TENM1: variants seen among roughly 807,000 people sequenced by gnomAD.
TENM1 encodes the protein teneurin transmembrane protein 1, also known as teneurin-1.
In TENM1, 35 loss-of-function variants were observed where a neutral mutation model predicts 174.8. That is an observed-to-expected ratio of 0.20 (90% CI 0.15 to 0.27). The LOEUF (loss-of-function observed/expected upper bound fraction) is 0.27. Ranked by LOEUF, TENM1 falls within the 10% of genes least tolerant of loss-of-function variation. The pLI is 1.00. For synonymous variants in TENM1, 781 were observed against 798.7 expected, an observed-to-expected ratio of 0.98 and a Z score of 0.37; for missense variants, 1,633 against 2,130.1, an observed-to-expected ratio of 0.77 and a Z score of 4.59.
intron 22 of TENM1, among the ~76,000 whole-genome samples, chrX:124,478,216 G>A (rs867585816): frequency 4.5e-5 from 5 of 112,348 alleles, no homozygotes; most frequent in African/African-American, 1.3e-4. Context: ...CTTCGTGTTC[G>A]GGTAAATGAA....
chrX:124,822,296 C>G (rs150543415), intron 3 of TENM1, among the ~76,000 whole-genome samples: 1,413 of 112,398 alleles, frequency 0.013, 13 homozygotes, highest in Admixed American at 0.029. Flanking sequence ...AGACTGTGTG[C>G]AGCAGTGTCT....
At chrX:124,519,769 G>C (rs1250284473) in intron 18 of TENM1, among the ~76,000 whole-genome samples, 1 of 111,651 alleles carries the variant, frequency 9.0e-6, no homozygotes, top group African/African-American at 3.3e-5. Flanking sequence ...TCTTAAAACA[G>C]ACTATTTTTT....
chrX:124,752,566 T>C (rs368318053), intron 3 of TENM1, among the ~76,000 whole-genome samples: 31 of 111,963 alleles, frequency 2.8e-4, no homozygotes, highest in Middle Eastern at 4.6e-3. Context: ...AAGTCCTTGC[T>C]CATGCCTATG....
At chrX:124,628,403 T>C (rs1372870563) in intron 11 of TENM1, among the ~76,000 whole-genome samples, 1 of 111,413 alleles carries the variant, frequency 9.0e-6, no homozygotes, top group Admixed American at 9.6e-5. Context: ...AGTTTTCTAG[T>C]AGCCACATTA....
chrX:124,756,522 G>A (rs1419947210), intron 3 of TENM1, among the ~76,000 whole-genome samples: 8 of 111,722 alleles, frequency 7.2e-5, no homozygotes, highest in African/African-American at 1.3e-4. Context: ...GCTTTGTTCC[G>A]TTGCTGGTGA....
At chrX:124,673,147 G>A (rs1178400406) in intron 5 of TENM1, among the ~76,000 whole-genome samples, 1 of 111,573 alleles carries the variant, frequency 9.0e-6, no homozygotes, top group East Asian at 2.8e-4. Context: ...GCTTTGACAG[G>A]TGACAACGAT....
intron 20 of TENM1, among the ~76,000 whole-genome samples, chrX:124,488,126 G>A (rs1322594351): frequency 8.9e-6 from 1 of 111,901 alleles, no homozygotes; most frequent in African/African-American, 3.2e-5. Flanking sequence ...ACAGGGTATT[G>A]CCTAGGGCAT....
At chrX:124,498,180 G>A (rs2047244041) in intron 19 of TENM1, among the ~76,000 whole-genome samples, 1 of 111,262 alleles carries the variant, frequency 9.0e-6, no homozygotes, top group African/African-American at 3.3e-5. Context: ...CATCACCATG[G>A]CTCTTCTTTC....
intron 16 of TENM1, among the ~76,000 whole-genome samples, chrX:124,525,675 G>C (rs2047959054): frequency 8.9e-6 from 1 of 111,961 alleles, no homozygotes; most frequent in Admixed American, 9.5e-5. Context: ...ATCTTGTTTT[G>C]TAGAAAGAAT....
intron 15 of TENM1, among the ~76,000 whole-genome samples, chrX:124,544,264 A>G (rs1037389976): frequency 8.9e-6 from 1 of 112,481 alleles, no homozygotes; most frequent in East Asian, 2.8e-4. Flanking sequence ...CTAAGTAGCC[A>G]AAATGGCCCA....
intron 14 of TENM1, among the ~76,000 whole-genome samples, chrX:124,559,950 G>A (rs1199971239): frequency 9.0e-6 from 1 of 110,796 alleles, no homozygotes; most frequent in African/African-American, 3.3e-5. Flanking sequence ...TATGGTTTAA[G>A]TTGAGACTTA....
chrX:125,191,141 T>A, the TENM1 span, among the ~76,000 whole-genome samples: 1 of 111,892 alleles, frequency 8.9e-6, no homozygotes, highest in Non-Finnish European at 1.9e-5. Flanking sequence ...AATGAAGTTT[T>A]TTCTTTATTT....
intron 22 of TENM1, among the ~76,000 whole-genome samples, chrX:124,479,872 C>T (rs770531470): frequency 5.4e-5 from 6 of 111,478 alleles, no homozygotes; most frequent in Admixed American, 1.9e-4. Flanking sequence ...ATGTTGCACC[C>T]GAGTTATTTA....
the TENM1 span, among the ~76,000 whole-genome samples, chrX:125,138,249 A>AT: frequency 0.25 from 25,797 of 104,620 alleles, 2,904 homozygotes; most frequent in African/African-American, 0.38. Flanking sequence ...GGCTCAAAAG[A>AT]TTTTTTTTTT....
intron 3 of TENM1, among the ~76,000 whole-genome samples, chrX:124,850,744 C>A (rs1271920237): frequency 9.1e-6 from 1 of 109,582 alleles, no homozygotes; most frequent in Non-Finnish European, 1.9e-5. Flanking sequence ...CTAATCTCAG[C>A]GGATAATAAT....
intron 4 of TENM1, among the ~76,000 whole-genome samples, chrX:124,733,047 A>G (rs2053600565): frequency 8.9e-6 from 1 of 111,852 alleles, no homozygotes; most frequent in Non-Finnish European, 1.9e-5. Flanking sequence ...AGCCTTGAAC[A>G]TTACATTTCA....
chrX:124,905,894 T>C (rs1307813483), intron 1 of TENM1, among the ~76,000 whole-genome samples: 1 of 106,969 alleles, frequency 9.3e-6, no homozygotes, highest in African/African-American at 3.3e-5. Context: ...AACTTCTGAA[T>C]CTGAAACAGG....
intron 3 of TENM1, among the ~76,000 whole-genome samples, chrX:124,875,873 CAAAAA>C (rs60294401): frequency 1.8e-5 from 1 of 56,806 alleles, no homozygotes; most frequent in African/African-American, 6.4e-5. Context: ...GAGACTGTCT[CAAAAA>C]AAAAAAAAAA....
At chrX:125,188,524 A>G in the TENM1 span, among the ~76,000 whole-genome samples, 2 of 112,138 alleles carry the variant, frequency 1.8e-5, no homozygotes, top group Non-Finnish European at 3.8e-5. Context: ...CCCCAAACCT[A>G]TTATTTTTAT....
Sources: allele counts gnomAD v4.1 joint callset (sites outside exome capture counted in the v4.1 genomes callset), GRCh38; gene constraint gnomAD v4.1.1; transcripts MANE v1.5; gene names NCBI Gene and HGNC (gene_info 2026-07-23, HGNC 2026-07-21).